The following DOT1L variants were observed in gnomAD, a reference collection of about 807,000 sequenced individuals.
DOT1L encodes histone-lysine N-methyltransferase, H3 lysine-79 specific.
Under a neutral mutation model 153.3 loss-of-function variants are expected in DOT1L, and 33 were observed. That is an observed-to-expected ratio of 0.22 (90% confidence interval 0.16 to 0.29). DOT1L has a LOEUF of 0.29. Ranked by LOEUF, DOT1L falls within the 10% of genes least tolerant of loss-of-function variation. The probability of loss-of-function intolerance (pLI) is 1.00; values close to 1 mark genes in which losing one functional copy is unlikely to be tolerated. For synonymous variants in DOT1L, 1,135 were observed against 965.1 expected (o/e 1.18, Z -3.26); for missense variants, 1,847 against 2,119.9 (o/e 0.87, Z 2.53).
At chr19:2,186,202 C>T (rs2022500477) in intron 3 of DOT1L, among the ~76,000 whole-genome samples, 1 of 152,248 alleles carries the variant, frequency 6.6e-6, no homozygotes, top group African/African-American at 2.4e-5. Flanking sequence ...AGTGATCGCT[C>T]TTTTTATAGC....
rs540013749 is a variant in DOT1L at position 2,217,416 on chromosome 19, G to A, written c.2544+326G>A. Among the ~76,000 whole-genome samples, 22 of 152,316 alleles carry A rather than the reference G, an allele frequency of 1.4e-4. No homozygotes were observed. The highest frequency in any genetic ancestry group is 4.8e-4 in the African/African-American group (20 of 41,568). ...CCATGAGGACTTCCCCGGGGGCACTGGCCTGTGTGCACAGGGATGGAGAGG... is the reference window on the plus strand; with the variant it reads ...CCATGAGGACTTCCCCGGGGGCACTAGCCTGTGTGCACAGGGATGGAGAGG... On this transcript the variant is annotated intron_variant, in intron 21 of 27. Coordinates refer to ENST00000398665, the MANE Select transcript of DOT1L (RefSeq NM_032482.3). This position sits in a 1 kb window ranked among gnomAD's most constrained non-coding sequence, Gnocchi z 7.3.
In DOT1L at chr19:2,222,979, G is replaced by A. The variant is rs1197235828; in HGVS notation, c.3391-302G>A. ...CGGCCTGGCAGCCTGGGAAGAGGCGGCCGACAGCTGTCTCTGGGGTTCGGA... is the reference window on the plus strand; with the variant it reads ...CGGCCTGGCAGCCTGGGAAGAGGCGACCGACAGCTGTCTCTGGGGTTCGGA... On this transcript the variant is annotated intron_variant, in intron 24 of 27. Transcript: ENST00000398665. This position sits in a 1 kb window ranked among gnomAD's most constrained non-coding sequence, Gnocchi z 6.5. 8.8e-6 allele frequency: 4 copies of A among 456,486 alleles called. No individual in the cohort carries two copies. The highest frequency in any genetic ancestry group is 1.6e-5 in the Non-Finnish European group (4 of 257,574). The allele number at this position is 456,486 out of a possible 1,614,324, so 28.3% of individuals were successfully genotyped here. A position where few individuals can be genotyped will look rare whatever the true frequency, so the allele number is the denominator to read the frequency against.
At chr19:2,227,870 C>T (rs1263241667) in intron 27 of DOT1L, 9 of 1,278,752 alleles carry the variant, frequency 7.0e-6, no homozygotes, top group Middle Eastern at 3.3e-4. Context: ...CGGCCTCTTC[C>T]TTTCAGGCCC....
chr19:2,200,142 CCT>C (rs2023190141), intron 8 of DOT1L, among the ~76,000 whole-genome samples: 1 of 152,240 alleles, frequency 6.6e-6, no homozygotes, highest in African/African-American at 2.4e-5. Context: ...CAGCAGAGCC[CCT>C]GTCGGCCCTG....
chr19:2,206,186 G>C (rs2144808575), intron 9 of DOT1L, among the ~76,000 whole-genome samples: 1 of 151,920 alleles, frequency 6.6e-6, no homozygotes, highest in East Asian at 1.9e-4. Context: ...TTTTAGTAGA[G>C]ACACGGTTTT....
intron 1 of DOT1L, among the ~76,000 whole-genome samples, chr19:2,174,227 T>G (rs1332160389): frequency 1.3e-5 from 2 of 152,216 alleles, no homozygotes; most frequent in African/African-American, 4.8e-5. Flanking sequence ...ACCGTCTTCC[T>G]CCTGTGGAGG....
chr19:2,167,391 T>C (rs1487172646), intron 1 of DOT1L, among the ~76,000 whole-genome samples: 1 of 152,218 alleles, frequency 6.6e-6, no homozygotes, highest in South Asian at 2.1e-4. Flanking sequence ...GCAGCCCTGG[T>C]GTCCCCGCCC....
intron 1 of DOT1L, among the ~76,000 whole-genome samples, chr19:2,180,392 G>A (rs1025070732): frequency 2.0e-5 from 3 of 152,196 alleles, no homozygotes; most frequent in Admixed American, 6.5e-5. Context: ...CATGTGGAGC[G>A]GAGCTTGGGG....
chr19:2,226,767 C>A lies in DOT1L; in HGVS notation c.4246C>A (p.Arg1416Ser), dbSNP rs1187883994. ...CGGCAAGGCCGCCAAGGCCCGGGAC[C>A]GCGAGGTCGACCTCAAGAATGGCCA... ...LSGKAAKARD[R>S]EVDLKNGHNL... Residue 1416 changes from arginine (R) to serine (S), a missense_variant, in exon 27 of 28, where the codon CGC becomes AGC. By Grantham distance (110) the Arg-to-Ser change is moderately radical. Around this residue, in one of 8 missense-constraint regions of DOT1L, gnomAD observed 934 missense variants for 825.3 expected, o/e 1.13. Transcript: ENST00000398665. 6.4e-7 allele frequency: 1 copy of A among 1,567,966 alleles called. No individual in the cohort carries two copies.
At chr19:2,194,661 A>ATGTTGGCACATGGCTGTTGGCACATGGC (rs11268058) in intron 7 of DOT1L, 84 bp downstream of exon 7, 9 of 1,139,374 alleles carry the variant, frequency 7.9e-6, no homozygotes, top group Admixed American at 3.9e-5. Flanking sequence ...TTTCTTGCCG[A>ATGTTGGCACATGGCTGTTGGCACATGGC]TGTTGGCACA....
intron 5 of DOT1L, among the ~76,000 whole-genome samples, chr19:2,192,719 G>T (rs1321640295): frequency 6.6e-6 from 1 of 151,704 alleles, no homozygotes; most frequent in Non-Finnish European, 1.5e-5. Context: ...GGGCTCTTTG[G>T]CTCCTGCCTG....
chr19:2,227,328 T>C lies in DOT1L; in HGVS notation c.4606+201T>C, dbSNP rs758165992. ...TCACGCTGAGTCCGTGTGTCTTGGG[T>C]TCTCTGGTTGTAACCGCGTCCCTCT... On this transcript the variant is annotated intron_variant, in intron 27 of 27. Transcript: ENST00000398665. 1.7e-5 allele frequency: 13 copies of C among 770,862 alleles called. No individual in the cohort carries two copies. The African/African-American group carries it at 2.1e-4, about 12-fold the overall frequency. 47.8% of individuals were successfully genotyped at this position (770,862 alleles called of 1,614,324 possible). A position where few individuals can be genotyped will look rare whatever the true frequency, so the allele number is the denominator to read the frequency against.
rs748880740 is a variant in DOT1L, at chr19:2,226,925, C to T, written c.4404C>T (p.Phe1468=). Residue 1468 remains phenylalanine, a synonymous_variant, in exon 27 of 28, where the codon TTC becomes TTT. Transcript: ENST00000398665. ...AQTHRSFLGP[F]PPGPQFALGP... is the part of the protein sequence containing the mutation. ...CGCACCGGTCCTTCCTGGGCCCCTT[C>T]CCGCCGGGACCGCAGTTCGCGCTCG... 3.8e-6 allele frequency: 6 copies of T among 1,581,340 alleles called. No homozygotes were observed. In the South Asian group the frequency reaches 6.8e-5, roughly 18 times the overall value.
chr19:2,191,505 G>C lies in DOT1L; in HGVS notation c.493+265G>C, dbSNP rs927220499. Among the ~76,000 whole-genome samples, 1 of 151,994 alleles carries C rather than the reference G, an allele frequency of 6.6e-6. No individual in the cohort carries two copies. The highest frequency in any genetic ancestry group is 2.4e-5 in the African/African-American group (1 of 41,362). On this transcript the variant is annotated intron_variant, in intron 5 of 27. Coordinates refer to ENST00000398665, the MANE Select transcript of DOT1L (RefSeq NM_032482.3). This position sits in a 1 kb window ranked among gnomAD's most constrained non-coding sequence, Gnocchi z 6.8. ...CCAGGTGCCCGGAGACTCTGCTTTCGTCCTGCTTCCCACCAGCTGGGGAGC... is the reference window on the plus strand; with the variant it reads ...CCAGGTGCCCGGAGACTCTGCTTTCCTCCTGCTTCCCACCAGCTGGGGAGC...
In DOT1L at chr19:2,230,063, C is replaced by A. The variant is rs2024531881; in HGVS notation, c.*271C>A. On this transcript the variant is annotated 3_prime_UTR_variant, in exon 28 of 28. Coordinates refer to ENST00000398665, the MANE Select transcript of DOT1L (RefSeq NM_032482.3). ...ATTCCATCTAAGTGGTAAAAGGCAA[C>A]TTATTGAGAAATATAAATATCTATA... The A allele has an allele frequency of 1.7e-6, 1 of 603,220 alleles. No homozygotes were observed. The highest frequency in any genetic ancestry group is 1.9e-5 in the African/African-American group (1 of 53,782). The allele number at this position is 603,220 out of a possible 1,614,324, so 37.4% of individuals were successfully genotyped here.
chr19:2,229,496 A>AGGAGAT, intron 27 of DOT1L: 1 of 985,470 alleles, frequency 1.0e-6, no homozygotes, highest in Non-Finnish European at 1.2e-6. Context: ...TGGGTCTCTT[A>AGGAGAT]GGAGATGAGC....
chr19:2,206,893 CTG>C (rs2023518501), intron 10 of DOT1L, 96 bp downstream of exon 10: 4 of 1,285,898 alleles, frequency 3.1e-6, no homozygotes, highest in African/African-American at 2.9e-5. Context: ...CCTGTGGACA[CTG>C]GGGCTGGATC....
chr19:2,179,700 G>C (rs180714727), intron 1 of DOT1L, among the ~76,000 whole-genome samples: 1 of 152,106 alleles, frequency 6.6e-6, no homozygotes, highest in Non-Finnish European at 1.5e-5. Context: ...CCAGCTACTC[G>C]GGAGGCTGAG....
intron 7 of DOT1L, among the ~76,000 whole-genome samples, chr19:2,198,469 G>A (rs772168342): frequency 6.6e-5 from 10 of 152,222 alleles, no homozygotes; most frequent in Admixed American, 2.6e-4. Context: ...CTGGGTGGAC[G>A]AGTGGCCCTG....
Sources: allele counts gnomAD v4.1 joint callset (sites outside exome capture counted in the v4.1 genomes callset), GRCh38; gene constraint gnomAD v4.1.1; regional missense constraint gnomAD v4.1.1; non-coding constraint Gnocchi (gnomAD v3.1); transcripts MANE v1.5; gene names NCBI Gene and HGNC (gene_info 2026-07-23, HGNC 2026-07-21).